ARMH4: variants seen among roughly 807,000 people sequenced by gnomAD.
ARMH4 encodes armadillo-like helical domain-containing protein 4.
A neutral mutation model predicts 61.9 loss-of-function variants in ARMH4; 49 were observed. The observed-to-expected ratio is 0.79, with a 90% confidence interval of 0.63 to 1.00. ARMH4 has a LOEUF of 1.00. Ranked by LOEUF, ARMH4 falls within the 50% of genes least tolerant of loss-of-function variation. The probability of loss-of-function intolerance (pLI) is 0.00; values close to 1 mark genes in which losing one functional copy is unlikely to be tolerated. For missense variants in ARMH4, 934 were observed against 930.0 expected (o/e 1.00, Z -0.06); for synonymous variants, 368 against 341.5 (o/e 1.08, Z -0.85).
chr14:58,123,331 T>C (rs1236434615), intron 4 of ARMH4, among the ~76,000 whole-genome samples: 1 of 152,060 alleles, frequency 6.6e-6, no homozygotes. Context: ...GCTCGTCCTG[T>C]TCAAGTTAAA....
intron 5 of ARMH4, among the ~76,000 whole-genome samples, chr14:58,055,721 T>C (rs1884327897): frequency 6.6e-6 from 1 of 152,204 alleles, no homozygotes; most frequent in Non-Finnish European, 1.5e-5. Flanking sequence ...GATGCCCAGA[T>C]GACTCAAATG....
At chr14:58,039,958 C>G (rs1221029158) in intron 5 of ARMH4, among the ~76,000 whole-genome samples, 1 of 151,918 alleles carries the variant, frequency 6.6e-6, no homozygotes, top group Non-Finnish European at 1.5e-5. Context: ...CTCTCCACTC[C>G]TTCCACAAGG....
chr14:58,098,584 T>C (rs1336424477), intron 4 of ARMH4, among the ~76,000 whole-genome samples: 1 of 152,322 alleles, frequency 6.6e-6, no homozygotes, highest in East Asian at 1.9e-4. Flanking sequence ...ACCAAAATAA[T>C]GCATTCTTTT....
chr14:58,091,667 A>G (rs1354761463), intron 5 of ARMH4, among the ~76,000 whole-genome samples: 3 of 152,208 alleles, frequency 2.0e-5, no homozygotes, highest in African/African-American at 7.2e-5. Flanking sequence ...TGTGTGATTT[A>G]TTATAGCAAC....
At position 58,139,143 on chromosome 14, in the gene ARMH4, T is replaced by G; in HGVS notation, c.216A>C (p.Glu72Asp). ...GTACTGCTGACATCATCATTGGATC[T>G]TCAGAGACCACCAGTTGGGGAGTCT... The part of the protein sequence containing the change: ...SKQTPQLVVS[E>D]DPMMMSAVPS... The change falls in exon 2 of 8, where the codon GAA (glutamate) becomes GAC (aspartate). Residue 72 changes from glutamate (E) to aspartate (D), a missense_variant. By Grantham distance (45) the Glu-to-Asp change is conservative (BLOSUM62 2). Transcript: ENST00000267485. 6.2e-7 allele frequency: 1 copy of G among 1,614,258 alleles called. No individual in the cohort carries two copies. The highest frequency in any genetic ancestry group is 2.2e-5 in the East Asian group (1 of 44,890).
At chr14:58,105,355 TAAAGATAGCATAGAC>T (rs1423904889) in intron 4 of ARMH4, among the ~76,000 whole-genome samples, 3 of 152,084 alleles carry the variant, frequency 2.0e-5, no homozygotes, top group African/African-American at 7.2e-5. Context: ...TTATTCCAAA[TAAAGATAGCATAGAC>T]AAAGAAAACT....
intron 2 of ARMH4, among the ~76,000 whole-genome samples, chr14:58,135,651 T>C (rs996858758): frequency 2.0e-5 from 3 of 152,082 alleles, no homozygotes; most frequent in Non-Finnish European, 2.9e-5. Flanking sequence ...AAAATAATTA[T>C]ATATTATTTT....
At chr14:58,080,014 C>T (rs1044832939) in intron 5 of ARMH4, among the ~76,000 whole-genome samples, 6 of 152,134 alleles carry the variant, frequency 3.9e-5, no homozygotes, top group Non-Finnish European at 7.3e-5. Flanking sequence ...ATAGTTCACC[C>T]TCATTGCTCA....
chr14:58,010,047 C>G (rs1220942484), intron 6 of ARMH4, among the ~76,000 whole-genome samples: 1 of 152,130 alleles, frequency 6.6e-6, no homozygotes, highest in Non-Finnish European at 1.5e-5. Flanking sequence ...ATGAAGCTAA[C>G]CTGACAGAGT....
intron 7 of ARMH4, 38 bp downstream of exon 7, chr14:58,005,010 C>A (rs751404941): frequency 1.9e-6 from 3 of 1,613,194 alleles, no homozygotes; most frequent in South Asian, 1.1e-5. Flanking sequence ...AAAGAATGTT[C>A]TGAAACTGAT....
At chr14:58,109,020 C>T (rs1324106728) in intron 4 of ARMH4, among the ~76,000 whole-genome samples, 2 of 152,058 alleles carry the variant, frequency 1.3e-5, no homozygotes, top group Admixed American at 6.6e-5. Context: ...GTCATTTTTC[C>T]GCTGATTCTT....
At chr14:58,035,054 C>G (rs1420839766) in intron 5 of ARMH4, among the ~76,000 whole-genome samples, 93 of 141,108 alleles carry the variant, frequency 6.6e-4, no homozygotes, top group African/African-American at 2.4e-3. Flanking sequence ...CCAAGCGGAC[C>G]TAATAGACAT....
chr14:58,030,462 G>A (rs1454948243), intron 5 of ARMH4, among the ~76,000 whole-genome samples: 1 of 152,192 alleles, frequency 6.6e-6, no homozygotes, highest in Non-Finnish European at 1.5e-5. Flanking sequence ...TTTTATCGTG[G>A]TAATATACAC....
At chr14:58,144,696 T>C (rs1887680506) in intron 1 of ARMH4, among the ~76,000 whole-genome samples, 1 of 152,046 alleles carries the variant, frequency 6.6e-6, no homozygotes, top group Middle Eastern at 3.4e-3. Context: ...TGAAACCCCG[T>C]CTCCACTAAA....
intron 5 of ARMH4, among the ~76,000 whole-genome samples, chr14:58,032,874 T>C (rs1883307190): frequency 6.6e-6 from 1 of 152,088 alleles, no homozygotes; most frequent in Non-Finnish European, 1.5e-5. Context: ...CACGAGACTA[T>C]ATACCACACC....
At chr14:58,048,455 G>C (rs1884010998) in intron 5 of ARMH4, among the ~76,000 whole-genome samples, 1 of 152,166 alleles carries the variant, frequency 6.6e-6, no homozygotes, top group South Asian at 2.1e-4. Flanking sequence ...TGCCTAAAAG[G>C]AGAACTGGAT....
At chr14:58,021,859 T>A (rs1008295037) in intron 5 of ARMH4, among the ~76,000 whole-genome samples, 8 of 152,172 alleles carry the variant, frequency 5.3e-5, no homozygotes, top group Non-Finnish European at 1.0e-4. Context: ...TTTGTTCAGG[T>A]TAGCCTTCAG....
At chr14:58,026,106 A>C (rs1366052926) in intron 5 of ARMH4, among the ~76,000 whole-genome samples, 1 of 152,060 alleles carries the variant, frequency 6.6e-6, no homozygotes, top group East Asian at 1.9e-4. Context: ...ATTAGTGCTA[A>C]TAATACTGAT....
In ARMH4 at chr14:58,005,287, C is replaced by G. The variant is rs190930573; in HGVS notation, c.2122-105G>C. The G allele has an allele frequency of 6.9e-5, 98 of 1,411,544 alleles. No homozygotes were observed. The African/African-American group carries it at 1.3e-3, about 19-fold the overall frequency. The allele number at this position is 1,411,544 out of a possible 1,614,324, so 87.4% of individuals were successfully genotyped here. A position where few individuals can be genotyped will look rare whatever the true frequency, so the allele number is the denominator to read the frequency against. The stretch of plus-strand genomic sequence containing the variant: ...CAGGTTTTTAGACACTTTGAATTCT[C>G]CTGTCTGCTTTGTTGTAAGATAAAA... On this transcript the variant is annotated intron_variant, in intron 6 of 7. Transcript: ENST00000267485.
Sources: allele counts gnomAD v4.1 joint callset (sites outside exome capture counted in the v4.1 genomes callset), GRCh38; gene constraint gnomAD v4.1.1; transcripts MANE v1.5; gene names NCBI Gene and HGNC (gene_info 2026-07-23, HGNC 2026-07-21).